The following RSBN1L variants were observed in gnomAD, a reference collection of about 807,000 sequenced individuals.
RSBN1L encodes lysine-specific demethylase RSBN1L.
Under a neutral mutation model 67.7 loss-of-function variants are expected in RSBN1L, and 30 were observed. That is an observed-to-expected ratio of 0.44 (90% confidence interval 0.33 to 0.60). The LOEUF (loss-of-function observed/expected upper bound fraction) is 0.60. RSBN1L is among the 20% of genes least tolerant of loss of function. The pLI, the probability that RSBN1L is intolerant of heterozygous loss-of-function variation, is 0.02. For missense variants in RSBN1L, 992 were observed against 1,031.7 expected (o/e 0.96, Z 0.53); for synonymous variants, 433 against 387.0 (o/e 1.12, Z -1.39).
intron 5 of RSBN1L, among the ~76,000 whole-genome samples, chr7:77,770,663 A>G (rs967078963): frequency 1.3e-5 from 2 of 152,186 alleles, no homozygotes; most frequent in African/African-American, 2.4e-5. Flanking sequence ...CCTGGGTGAC[A>G]GAACCAGAAC....
At chr7:77,747,667 A>G (rs1409993382) in intron 2 of RSBN1L, among the ~76,000 whole-genome samples, 1 of 152,250 alleles carries the variant, frequency 6.6e-6, no homozygotes, top group Non-Finnish European at 1.5e-5. Flanking sequence ...ATGTTCAGGC[A>G]GAAGCCTGCT....
chr7:77,696,943 C>T lies in RSBN1L; in HGVS notation c.474C>T (p.Arg158=), dbSNP rs1407707088. The change falls in exon 1 of 8, where the codon CGC becomes CGT. Residue 158 remains arginine, a synonymous_variant. Coordinates refer to ENST00000334955, the MANE Select transcript of RSBN1L (RefSeq NM_198467.3). ...CTGCCTCGGCTAACGCCAAGTCGCG[C>T]AGACCTAAGGAGAAGCGGGAGAAGG... The part of the protein sequence containing the change: ...AAAASANAKS[R]RPKEKREKER... 3.1e-6 allele frequency: 5 copies of T among 1,596,534 alleles called. No homozygotes were observed. In the African/African-American group the frequency reaches 4.0e-5, roughly 13 times the overall value.
intron 5 of RSBN1L, among the ~76,000 whole-genome samples, chr7:77,771,372 G>A (rs1791847962): frequency 1.3e-5 from 2 of 152,144 alleles, no homozygotes; most frequent in Admixed American, 1.3e-4. Flanking sequence ...ATGATGGCAG[G>A]GACTTTGTTG....
chr7:77,710,082 C>T (rs940497986), intron 1 of RSBN1L, among the ~76,000 whole-genome samples: 1 of 152,140 alleles, frequency 6.6e-6, no homozygotes, highest in Non-Finnish European at 1.5e-5. Context: ...TCCACTTTTG[C>T]TCTGTCTTTT....
At chr7:77,757,084 A>G (rs1312003992) in intron 3 of RSBN1L, among the ~76,000 whole-genome samples, 3 of 152,090 alleles carry the variant, frequency 2.0e-5, no homozygotes, top group Admixed American at 1.3e-4. Flanking sequence ...AACCAAAATA[A>G]TTTGCTTTAA....
At chr7:77,748,923 T>G (rs113118497) in intron 2 of RSBN1L, among the ~76,000 whole-genome samples, 1 of 147,374 alleles carries the variant, frequency 6.8e-6, no homozygotes, top group Non-Finnish European at 1.5e-5. Context: ...GTCTCTCTCT[T>G]TCTCTCTCTC....
intron 2 of RSBN1L, among the ~76,000 whole-genome samples, chr7:77,737,198 T>A (rs921043575): frequency 1.8e-4 from 27 of 152,292 alleles, no homozygotes; most frequent in African/African-American, 6.5e-4. Flanking sequence ...TAGTCTTAAA[T>A]TCACTCAGAT....
intron 6 of RSBN1L, among the ~76,000 whole-genome samples, chr7:77,777,317 T>C (rs1224380424): frequency 1.3e-5 from 2 of 152,096 alleles, no homozygotes; most frequent in Non-Finnish European, 2.9e-5. Flanking sequence ...TCTTTCATAT[T>C]TATCATTAGG....
chr7:77,708,201 G>T (rs1327879288), intron 1 of RSBN1L, among the ~76,000 whole-genome samples: 1 of 152,008 alleles, frequency 6.6e-6, no homozygotes, highest in Non-Finnish European at 1.5e-5. Context: ...AGACAGGCTT[G>T]TTTGGGGTAG....
intron 3 of RSBN1L, among the ~76,000 whole-genome samples, chr7:77,764,309 T>G (rs1313641100): frequency 6.6e-6 from 1 of 152,236 alleles, no homozygotes; most frequent in Non-Finnish European, 1.5e-5. Context: ...GAAGACAGAC[T>G]CAGCTTGTTT....
chr7:77,739,991 G>T (rs1391900816), intron 2 of RSBN1L, among the ~76,000 whole-genome samples: 2 of 151,462 alleles, frequency 1.3e-5, no homozygotes, highest in Middle Eastern at 6.8e-3. Flanking sequence ...AGGTCAGGCA[G>T]CCTGCCTGAC....
intron 1 of RSBN1L, 77 bp from the exon 2 acceptor site, chr7:77,736,333 A>C: frequency 1.5e-6 from 1 of 673,212 alleles, no homozygotes. Context: ...TAATTCCAGA[A>C]ATTTACCTAT....
intron 2 of RSBN1L, among the ~76,000 whole-genome samples, chr7:77,747,714 G>A (rs921664603): frequency 2.0e-5 from 3 of 152,196 alleles, no homozygotes; most frequent in African/African-American, 7.2e-5. Flanking sequence ...CTCTCTACTA[G>A]GGCAGTCACT....
At chr7:77,757,683 A>C (rs1285612706) in intron 3 of RSBN1L, among the ~76,000 whole-genome samples, 5 of 152,230 alleles carry the variant, frequency 3.3e-5, no homozygotes, top group Non-Finnish European at 5.9e-5. Context: ...GATGATTGGC[A>C]GACCAGTTGG....
rs1554337625 is a variant in RSBN1L, at chr7:77,716,650, T to TTA, written c.586+19595_586+19596insTA. Among the ~76,000 whole-genome samples the TTA allele has an allele frequency of 2.9e-4, 40 of 139,700 alleles. No individual in the cohort carries two copies. The East Asian group carries it at 6.5e-3, about 23-fold the overall frequency. The allele number at this position is 139,700 out of a possible 152,430, so 91.6% of individuals were successfully genotyped here. A position where few individuals can be genotyped will look rare whatever the true frequency, so the allele number is the denominator to read the frequency against. On this transcript the variant is annotated intron_variant, in intron 1 of 7. Transcript: ENST00000334955. Reference sequence around the variant, plus strand: ...TTTTTTTTTTTTTTTTTTTTTTTTTTAGACGGTGTCTTGCTCTGTCACCCA... The same window carrying TTA: ...TTTTTTTTTTTTTTTTTTTTTTTTTTTAAGACGGTGTCTTGCTCTGTCACCCA...
chr7:77,768,639 C>T, intron 4 of RSBN1L, 22 bp from the exon 5 acceptor site: 1 of 1,599,036 alleles, frequency 6.3e-7, no homozygotes, highest in Non-Finnish European at 8.6e-7. Context: ...TAATTGCAAT[C>T]TGCATAATTA....
In RSBN1L at chr7:77,747,097, C is replaced by A. The variant is rs151271243; in HGVS notation, c.704-2327C>A. 2.1e-3 allele frequency among the ~76,000 whole-genome samples: 316 copies of A among 152,284 alleles called. 8 individuals are homozygous for A. The East Asian group carries it at 0.047, about 23-fold the overall frequency. On this transcript the variant is annotated intron_variant, in intron 2 of 7. Coordinates refer to ENST00000334955, the MANE Select transcript of RSBN1L (RefSeq NM_198467.3). Reference sequence around the variant, plus strand: ...CAGTGGCCCTCTTCTCATAGCCCCACTCTGCAGTACCCTGGTGGAGACTCA... The same window carrying A: ...CAGTGGCCCTCTTCTCATAGCCCCAATCTGCAGTACCCTGGTGGAGACTCA...
At chr7:77,759,374 CGTTCTT>C (rs1323590930) in intron 3 of RSBN1L, among the ~76,000 whole-genome samples, 20 of 152,054 alleles carry the variant, frequency 1.3e-4, no homozygotes. Context: ...ATAATACTTT[CGTTCTT>C]ATTTTAGTTG....
At chr7:77,708,713 A>G (rs1790928114) in intron 1 of RSBN1L, among the ~76,000 whole-genome samples, 1 of 152,166 alleles carries the variant, frequency 6.6e-6, no homozygotes, top group African/African-American at 2.4e-5. Context: ...CAACAGCAAG[A>G]CATGGTTTTT....
Sources: gnomAD v4.1 joint callset for allele counts (sites outside exome capture counted in the v4.1 genomes callset) on GRCh38, gnomAD v4.1.1 for gene constraint, MANE v1.5 for transcripts, NCBI Gene and HGNC (gene_info 2026-07-23, HGNC 2026-07-21) for gene names.